The following YTHDF2 variants were observed in gnomAD, a reference collection of about 807,000 sequenced individuals.
The protein encoded by YTHDF2 is YTH domain-containing family protein 2.
YTHDF2 carries 2 observed loss-of-function variants against 50.4 expected under a neutral mutation model. That is an observed-to-expected ratio of 0.04 (90% CI 0.02 to 0.12). The LOEUF is 0.12. Among genes scored for constraint, YTHDF2 ranks in the 10% least tolerant of loss-of-function variants. YTHDF2 has a pLI of 1.00. For missense variants in YTHDF2, 483 were observed against 722.6 expected (o/e 0.67, Z 3.80); for synonymous variants, 217 against 255.6 (o/e 0.85, Z 1.44).
intron 4 of YTHDF2, among the ~76,000 whole-genome samples, chr1:28,747,235 T>C (rs2124176605): frequency 6.6e-6 from 1 of 152,218 alleles, no homozygotes; most frequent in Admixed American, 6.5e-5. Context: ...AGTGCAATAG[T>C]AAACAGAATT....
intron 4 of YTHDF2, among the ~76,000 whole-genome samples, chr1:28,767,394 C>G (rs1427163378): frequency 6.6e-6 from 1 of 151,960 alleles, no homozygotes; most frequent in Non-Finnish European, 1.5e-5. Flanking sequence ...CATCTATAGT[C>G]TAAGTTTCTA....
chr1:28,763,168 C>G (rs1246870959), intron 4 of YTHDF2, among the ~76,000 whole-genome samples: 2 of 152,070 alleles, frequency 1.3e-5, no homozygotes, highest in Non-Finnish European at 2.9e-5. Context: ...GTGAGGAGGG[C>G]CTAAGGTGGA....
chr1:28,736,841 G>A (rs1333930179), upstream of YTHDF2: 2 of 381,820 alleles, frequency 5.2e-6, no homozygotes, highest in Non-Finnish European at 9.4e-6. Context: ...CGCTCGCGCC[G>A]CGCGCGCCGC....
intron 4 of YTHDF2, among the ~76,000 whole-genome samples, chr1:28,756,879 A>G (rs2124194710): frequency 6.6e-6 from 1 of 152,286 alleles, no homozygotes; most frequent in African/African-American, 2.4e-5. Context: ...GGAGAAAAAA[A>G]AGCTCTGTTC....
intron 4 of YTHDF2, among the ~76,000 whole-genome samples, chr1:28,763,823 A>G (rs1484542231): frequency 6.8e-6 from 1 of 146,434 alleles, no homozygotes; most frequent in Non-Finnish European, 1.5e-5. Context: ...AATTGTATAT[A>G]TTTATGGGGT....
rs958251396 is a variant in YTHDF2 at position 28,768,903 on chromosome 1, T to C, written c.1717-26T>C. On this transcript the variant is annotated intron_variant, in intron 4 of 4. Coordinates refer to ENST00000373812, the MANE Select transcript of YTHDF2 (RefSeq NM_016258.3). ...AGCATGTTCAGATAATTTTTAACCA[T>C]TTCAATTTTTTTCTTACCTCTGTAG... is the stretch of plus-strand genomic sequence containing the variant. 3 of 1,573,044 alleles carry C rather than the reference T, an allele frequency of 1.9e-6. No individual in the cohort carries two copies. In the African/African-American group the frequency reaches 4.0e-5, roughly 21 times the overall value.
rs185625562 is a variant in YTHDF2 at position 28,763,687 on chromosome 1, C to G, written c.1717-5242C>G. On this transcript the variant is annotated intron_variant, in intron 4 of 4. Transcript: ENST00000373812. ...AGCCAGGATGGTCTCGATCTCCTGA[C>G]CTGGTGATCCGCCCACCTCAGCCTC... Among the ~76,000 whole-genome samples the G allele has an allele frequency of 2.2e-3, 335 of 151,490 alleles. 2 individuals are homozygous for G. The highest frequency in any genetic ancestry group is 5.7e-3 in the African/African-American group (236 of 41,390).
intron 4 of YTHDF2, among the ~76,000 whole-genome samples, chr1:28,751,404 A>G (rs1306683270): frequency 6.6e-6 from 1 of 152,196 alleles, no homozygotes; most frequent in Non-Finnish European, 1.5e-5. Context: ...TTGACTCTTC[A>G]GATCTAGTGA....
intron 1 of YTHDF2, 40 bp downstream of exon 1, chr1:28,737,187 C>A (rs1353672720): frequency 6.5e-7 from 1 of 1,542,418 alleles, no homozygotes; most frequent in Non-Finnish European, 8.7e-7. Context: ...TTGTGTGAGG[C>A]GAGAAGGAGC....
At chr1:28,741,383 G>A (rs181851854) in intron 3 of YTHDF2, among the ~76,000 whole-genome samples, 111 of 151,454 alleles carry the variant, frequency 7.3e-4, no homozygotes, top group Non-Finnish European at 1.2e-3. Flanking sequence ...CTGCAACCTC[G>A]GCCTCTTGGA....
intron 1 of YTHDF2, 103 bp downstream of exon 1, chr1:28,737,250 T>G: frequency 7.0e-7 from 1 of 1,424,778 alleles, no homozygotes; most frequent in Non-Finnish European, 9.3e-7. Flanking sequence ...AGCCGAGGCG[T>G]CGTCTCTTGC....
At chr1:28,745,714 A>C (rs1372023786) in intron 4 of YTHDF2, among the ~76,000 whole-genome samples, 245 of 58,064 alleles carry the variant, frequency 4.2e-3, no homozygotes, top group Admixed American at 6.7e-3. Context: ...CTAAACTCCC[A>C]TCTCCCCCCG....
intron 4 of YTHDF2, among the ~76,000 whole-genome samples, chr1:28,758,573 G>A (rs1269763948): frequency 6.6e-6 from 1 of 152,194 alleles, no homozygotes; most frequent in Non-Finnish European, 1.5e-5. Flanking sequence ...GCTGAAGGTT[G>A]TAAAAGTTGC....
Position 28,743,235 on chromosome 1 carries a change from T to G in YTHDF2, c.965T>G (p.Val322Gly). ...AGCCCACCAGTGGCTCAGGCATCAG[T>G]AGGGCAACAGACACAGCCATTGCCT... ...NNSPPVAQAS[V>G]GQQTQPLPPP... is the part of the protein sequence containing the mutation. The change falls in exon 4 of 5, where the codon GTA becomes GGA. Residue 322 changes from valine to glycine, a missense_variant. Val to Gly is a moderately radical substitution (Grantham distance 109, BLOSUM62 -3). Transcript: ENST00000373812. This position sits in a 1 kb window ranked among gnomAD's most constrained non-coding sequence, Gnocchi z 6.9. 6.2e-7 allele frequency: 1 copy of G among 1,614,050 alleles called. No homozygotes were observed. The highest frequency in any genetic ancestry group is 8.5e-7 in the Non-Finnish European group (1 of 1,180,028).
chr1:28,764,189 G>A (rs1025617167), intron 4 of YTHDF2, among the ~76,000 whole-genome samples: 2 of 151,678 alleles, frequency 1.3e-5, no homozygotes, highest in African/African-American at 4.8e-5. Context: ...GACCTCAGGT[G>A]ATCCGCCCAC....
At chr1:28,758,351 G>GT (rs1293822105) in intron 4 of YTHDF2, among the ~76,000 whole-genome samples, 1 of 152,190 alleles carries the variant, frequency 6.6e-6, no homozygotes, top group East Asian at 1.9e-4. Flanking sequence ...GGGCAACAGA[G>GT]TGAGACCCTG....
At position 28,742,386 on chromosome 1, in the gene YTHDF2, T is replaced by A. The variant is rs1424752001; in HGVS notation, c.133-17T>A. On this transcript the variant is annotated splice_polypyrimidine_tract_variant and intron_variant, in intron 3 of 4. Transcript: ENST00000373812. ...TAATTTTTTGTGTTTTGATTTGCCTTTTTTTTTCTTCCACAGAATAATGCA... is the reference window on the plus strand; with the variant it reads ...TAATTTTTTGTGTTTTGATTTGCCTATTTTTTTCTTCCACAGAATAATGCA... 2 of 1,526,968 alleles carry A rather than the reference T, an allele frequency of 1.3e-6. No individual in the cohort carries two copies. The highest frequency in any genetic ancestry group is 1.8e-6 in the Non-Finnish European group (2 of 1,140,162). The allele number at this position is 1,526,968 out of a possible 1,614,324, so 94.6% of individuals were successfully genotyped here.
At chr1:28,736,705 G>C (rs2087690862), upstream of YTHDF2, 1 of 228,154 alleles carries the variant, frequency 4.4e-6, no homozygotes, top group Non-Finnish European at 8.8e-6. Flanking sequence ...GGCGGTGGGG[G>C]CGGGGAGGCC....
At chr1:28,754,534 A>C (rs1050363385) in intron 4 of YTHDF2, among the ~76,000 whole-genome samples, 1 of 147,742 alleles carries the variant, frequency 6.8e-6, no homozygotes, top group African/African-American at 2.5e-5. Flanking sequence ...TGTCTCAAAA[A>C]AAAAATTGGC....
Sources: gnomAD v4.1 joint callset for allele counts (sites outside exome capture counted in the v4.1 genomes callset) on GRCh38, gnomAD v4.1.1 for gene constraint, Gnocchi (gnomAD v3.1) non-coding constraint, MANE v1.5 for transcripts, NCBI Gene and HGNC (gene_info 2026-07-23, HGNC 2026-07-21) for gene names.